The following RBM20 variants were observed in gnomAD, a reference collection of about 807,000 sequenced individuals.
RBM20 encodes the protein RNA-binding protein 20.
Under a neutral mutation model 110.1 loss-of-function variants are expected in RBM20, and 51 were observed. That is an observed-to-expected ratio of 0.46 (90% CI 0.37 to 0.59). RBM20 has a LOEUF of 0.59. Among genes scored for constraint, RBM20 ranks in the 20% least tolerant of loss-of-function variants. RBM20 has a pLI of 0.00. For missense variants in RBM20, 1,512 were observed against 1,574.9 expected, an observed-to-expected ratio of 0.96 and a Z score of 0.68; for synonymous variants, 589 against 618.2, an observed-to-expected ratio of 0.95 and a Z score of 0.70.
rs749285793 is a variant in RBM20, at chr10:110,781,382, C to T, written c.773C>T (p.Ser258Leu). The change falls in exon 2 of 14, where the codon TCG becomes TTG. Residue 258 changes from serine (S) to leucine (L), a missense_variant. Physicochemically the swap from Ser to Leu is moderately radical, Grantham distance 145 (BLOSUM62 -2). Around this residue, in one of 3 missense-constraint regions of RBM20, gnomAD observed 1,149 missense variants for 1,169.4 expected, o/e 0.98. Coordinates refer to ENST00000369519, the MANE Select transcript of RBM20 (RefSeq NM_001134363.3). ...PGFLPSSAST[S>L]GSVTYEGHYS... The stretch of plus-strand genomic sequence containing the variant: ...TTCCTGCCATCCTCGGCCTCAACCT[C>T]GGGCAGTGTGACCTATGAAGGGCAC... 55 of 1,551,698 alleles carry T rather than the reference C, an allele frequency of 3.5e-5. No individual in the cohort carries two copies. The African/African-American group carries it at 5.2e-4, about 15-fold the overall frequency.
chr10:110,757,950 T>G (rs1843941990), intron 1 of RBM20, among the ~76,000 whole-genome samples: 1 of 150,862 alleles, frequency 6.6e-6, no homozygotes, highest in Admixed American at 6.6e-5. Context: ...GAGCTCTGCT[T>G]GTGGCAGATA....
At chr10:110,817,415 A>G (rs1223989099) in intron 9 of RBM20, among the ~76,000 whole-genome samples, 9 of 152,232 alleles carry the variant, frequency 5.9e-5, no homozygotes, top group Admixed American at 5.2e-4. Flanking sequence ...TAAAACCCTT[A>G]TGCTTCAGAG....
intron 1 of RBM20, among the ~76,000 whole-genome samples, chr10:110,750,221 T>TG (rs1408793978): frequency 6.6e-6 from 1 of 152,178 alleles, no homozygotes; most frequent in East Asian, 1.9e-4. Context: ...GTTTAAAAAA[T>TG]TTTTAAGACA....
At chr10:110,667,841 T>C (rs1862200990) in intron 1 of RBM20, among the ~76,000 whole-genome samples, 2 of 152,198 alleles carry the variant, frequency 1.3e-5, no homozygotes, top group African/African-American at 4.8e-5. Context: ...GCCCCTGGTG[T>C]CCTGCTCACT....
rs886046715 is a variant in RBM20, at chr10:110,837,644, G to A, written c.*1666G>A. On this transcript the variant is annotated 3_prime_UTR_variant, in exon 14 of 14. Coordinates refer to ENST00000369519, the MANE Select transcript of RBM20 (RefSeq NM_001134363.3). ...CTGTCCTCTGTACTAATGGAGGAAG[G>A]GCAGAGAGATTAGTTCAAGGCTAAC... 13 of 152,184 alleles carry A rather than the reference G, an allele frequency of 8.5e-5. No individual in the cohort carries two copies. Among genetic ancestry groups the A allele is most frequent in the Non-Finnish European group, 1.6e-4 (11 of 68,058 alleles). The allele number at this position is 152,184 out of a possible 1,614,324, so 9.4% of individuals were successfully genotyped here.
At chr10:110,771,529 G>C (rs969146787) in intron 1 of RBM20, among the ~76,000 whole-genome samples, 1 of 152,204 alleles carries the variant, frequency 6.6e-6, no homozygotes, top group African/African-American at 2.4e-5. Flanking sequence ...AATGATCATG[G>C]GACAGTGGGA....
At chr10:110,818,565 T>A (rs1422857444) in intron 9 of RBM20, among the ~76,000 whole-genome samples, 1 of 152,228 alleles carries the variant, frequency 6.6e-6, no homozygotes, top group Non-Finnish European at 1.5e-5. Flanking sequence ...GCTGCTGCTC[T>A]CTCCTGGAAG....
At chr10:110,778,238 C>G (rs750695922) in intron 1 of RBM20, among the ~76,000 whole-genome samples, 9 of 152,242 alleles carry the variant, frequency 5.9e-5, no homozygotes, top group African/African-American at 9.6e-5. Flanking sequence ...GCCCTTGGAG[C>G]ATAGCAGGGC....
intron 1 of RBM20, among the ~76,000 whole-genome samples, chr10:110,645,601 C>A (rs1357699371): frequency 6.6e-6 from 1 of 152,206 alleles, no homozygotes; most frequent in Non-Finnish European, 1.5e-5. Context: ...TCCGCTGATG[C>A]TTTGAGTCCT....
chr10:110,753,006 T>G (rs1843878277), intron 1 of RBM20, among the ~76,000 whole-genome samples: 1 of 146,526 alleles, frequency 6.8e-6, no homozygotes, highest in Admixed American at 6.8e-5. Flanking sequence ...CAGTGAGATC[T>G]CGGCTCACTG....
At chr10:110,647,633 T>C (rs1861886849) in intron 1 of RBM20, among the ~76,000 whole-genome samples, 1 of 152,314 alleles carries the variant, frequency 6.6e-6, no homozygotes, top group South Asian at 2.1e-4. Context: ...TTAACAAATA[T>C]ATATTTTTTC....
intron 1 of RBM20, among the ~76,000 whole-genome samples, chr10:110,653,707 C>A (rs768270822): frequency 2.2e-4 from 34 of 152,100 alleles, no homozygotes; most frequent in Non-Finnish European, 4.0e-4. Flanking sequence ...AGACGTGCAC[C>A]ACCACGCTCT....
chr10:110,755,923 A>G (rs1590657010), intron 1 of RBM20, among the ~76,000 whole-genome samples: 1 of 152,214 alleles, frequency 6.6e-6, no homozygotes, highest in African/African-American at 2.4e-5. Flanking sequence ...AGTGGCCACC[A>G]TCCAGCCCCT....
At chr10:110,645,223 C>T (rs1861852505) in intron 1 of RBM20, among the ~76,000 whole-genome samples, 1 of 152,164 alleles carries the variant, frequency 6.6e-6, no homozygotes. Context: ...ACTCGGGTGA[C>T]CTGTGCGACT....
At chr10:110,830,988 T>A (rs995876602) in intron 12 of RBM20, 73 bp from the exon 13 acceptor site, 40 of 1,441,674 alleles carry the variant, frequency 2.8e-5, no homozygotes, top group Non-Finnish European at 3.7e-5. Context: ...TTCTACCTGA[T>A]GGCTGCCAGG....
At chr10:110,661,044 C>T (rs929854517) in intron 1 of RBM20, among the ~76,000 whole-genome samples, 2 of 152,092 alleles carry the variant, frequency 1.3e-5, no homozygotes, top group African/African-American at 4.8e-5. Flanking sequence ...CAGTGATTTA[C>T]CCCCCAGGGC....
At chr10:110,794,558 CA>C in intron 5 of RBM20, among the ~76,000 whole-genome samples, 1 of 152,296 alleles carries the variant, frequency 6.6e-6, no homozygotes, top group Middle Eastern at 3.4e-3. Context: ...CCTGAGGGAT[CA>C]ATATCTTGGC....
intron 1 of RBM20, among the ~76,000 whole-genome samples, chr10:110,652,080 A>G (rs759251482): frequency 5.3e-5 from 8 of 152,202 alleles, no homozygotes; most frequent in African/African-American, 9.7e-5. Context: ...AACCACTTAA[A>G]TGTTTCTCAG....
intron 8 of RBM20, among the ~76,000 whole-genome samples, chr10:110,811,375 G>A (rs1167242805): frequency 3.9e-5 from 6 of 152,186 alleles, no homozygotes; most frequent in South Asian, 2.1e-4. Flanking sequence ...TAACCAAACA[G>A]CCTTCAGAGT....
Sources: allele counts gnomAD v4.1 joint callset (sites outside exome capture counted in the v4.1 genomes callset), GRCh38; gene constraint gnomAD v4.1.1; regional missense constraint gnomAD v4.1.1; transcripts MANE v1.5; gene names NCBI Gene and HGNC (gene_info 2026-07-23, HGNC 2026-07-21).